Variants in SGSM1 observed in about 807,000 individuals in gnomAD.
The protein encoded by SGSM1 is RUN and TBC1 domain containing 2.
SGSM1 carries 73 observed loss-of-function variants against 133.8 expected under a neutral mutation model. That is an observed-to-expected ratio of 0.55 (90% CI 0.45 to 0.66). The LOEUF is 0.66. Among genes scored for constraint, SGSM1 ranks in the 30% least tolerant of loss-of-function variants. The pLI is 0.00. For missense variants in SGSM1, 1,213 were observed against 1,448.1 expected, an observed-to-expected ratio of 0.84 and a Z score of 2.64; for synonymous variants, 563 against 573.0, an observed-to-expected ratio of 0.98 and a Z score of 0.25.
intron 2 of SGSM1, among the ~76,000 whole-genome samples, chr22:24,820,803 G>T (rs1928423395): frequency 6.6e-6 from 1 of 152,206 alleles, no homozygotes; most frequent in African/African-American, 2.4e-5. Context: ...AGACAACAGT[G>T]AGCACAACAG....
intron 2 of SGSM1, chr22:24,843,979 T>G (rs1201668071): frequency 6.6e-6 from 1 of 151,632 alleles, no homozygotes; most frequent in Non-Finnish European, 1.5e-5. Flanking sequence ...AAGCAGGGAT[T>G]TGAACTCAGG....
At chr22:24,901,756 G>A in intron 19 of SGSM1, 77 bp from the exon 20 acceptor site, 3 of 1,511,084 alleles carry the variant, frequency 2.0e-6, no homozygotes, top group Non-Finnish European at 2.7e-6. Context: ...AGAGGAGATA[G>A]GATTGCTGCT....
intron 2 of SGSM1, among the ~76,000 whole-genome samples, chr22:24,817,761 G>A (rs558401599): frequency 3.9e-5 from 6 of 152,310 alleles, no homozygotes; most frequent in Admixed American, 1.3e-4. Flanking sequence ...ACAAAGTACC[G>A]TGACTGGGTA....
intron 21 of SGSM1, among the ~76,000 whole-genome samples, chr22:24,910,171 G>A (rs749363251): frequency 5.3e-5 from 8 of 152,176 alleles, no homozygotes; most frequent in Non-Finnish European, 1.2e-4. Context: ...AAGACTAGTC[G>A]TTGACAGGGA....
rs1930217525 is a variant in SGSM1 at position 24,847,567 on chromosome 22, T to C, written c.140-67T>C. 8 of 1,557,584 alleles carry C rather than the reference T, an allele frequency of 5.1e-6. No homozygotes were observed. In the South Asian group the frequency reaches 9.6e-5, roughly 19 times the overall value. The stretch of plus-strand genomic sequence containing the variant: ...CAAGGTTCCAGTGTCTGACAGAAGC[T>C]CTGGGACATGCTGGGTGCTGGAGTG... On this transcript the variant is annotated intron_variant, in intron 3 of 24. Coordinates refer to ENST00000400358, the MANE Select transcript of SGSM1 (RefSeq NM_001098497.3).
chr22:24,856,244 A>G (rs117044277), intron 8 of SGSM1, among the ~76,000 whole-genome samples: 1 of 152,128 alleles, frequency 6.6e-6, no homozygotes, highest in Non-Finnish European at 1.5e-5. Flanking sequence ...GATGCTTCCT[A>G]TGTGTCAGGC....
At position 24,817,943 on chromosome 22, in the gene SGSM1, A is replaced by G. The variant is rs564447298; in HGVS notation, c.63+11459A>G. On this transcript the variant is annotated intron_variant, in intron 2 of 24. Transcript: ENST00000400358. The stretch of plus-strand genomic sequence containing the variant: ...TTTGGGGTCTCTTTTATAAGAGCAC[A>G]AATCCCGACGGGGTGCAGTGGCTCA... 7.2e-5 allele frequency among the ~76,000 whole-genome samples: 11 copies of G among 152,220 alleles called. No homozygotes were observed. The East Asian group carries it at 2.1e-3, about 30-fold the overall frequency.
rs767525983 is a variant in SGSM1 at position 24,898,198 on chromosome 22, G to A, written c.2249G>A (p.Arg750Gln). Residue 750 changes from arginine to glutamine, a missense_variant, in exon 19 of 25, where the codon CGA becomes CAA. Transcript: ENST00000400358. ...CAGCGGAACACCCCCACGGTGCTGC[G>A]ACCTAGGGATGGCAGCGTGGATGAC... ...DAQRNTPTVL[R>Q]PRDGSVDDRQ... is the part of the protein sequence containing the mutation. 2.5e-5 allele frequency: 41 copies of A among 1,613,696 alleles called. No individual in the cohort carries two copies. The highest frequency in any genetic ancestry group is 2.5e-4 in the South Asian group (23 of 91,074).
chr22:24,887,818 C>T (rs549826504), intron 16 of SGSM1, among the ~76,000 whole-genome samples: 1 of 152,294 alleles, frequency 6.6e-6, no homozygotes, highest in South Asian at 2.1e-4. Context: ...TCTGTGTCCA[C>T]CAGCAAAATA....
At position 24,919,868 on chromosome 22, in the gene SGSM1, G is replaced by A; in HGVS notation, c.3068G>A (p.Trp1023Ter). 1 of 1,614,080 alleles carries A rather than the reference G, an allele frequency of 6.2e-7. No individual in the cohort carries two copies. Among genetic ancestry groups the A allele is most frequent in the Non-Finnish European group, 8.5e-7 (1 of 1,179,904 alleles). ...DDVFLVWETI[W>*]AAKHVSSAHY... ...GTCTTCTTGGTCTGGGAGACCATCTGGGCAGCCAAACACGTCTCCTCTGCG... is the reference window on the plus strand; with the variant it reads ...GTCTTCTTGGTCTGGGAGACCATCTAGGCAGCCAAACACGTCTCCTCTGCG... Residue 1023 changes from tryptophan (W) to a stop codon, truncating the protein, a stop_gained, in exon 24 of 25, where the codon TGG (tryptophan) becomes TAG (stop). Coordinates refer to ENST00000400358, the MANE Select transcript of SGSM1 (RefSeq NM_001098497.3). LOFTEE classifies it high-confidence loss of function.
intron 2 of SGSM1, among the ~76,000 whole-genome samples, chr22:24,837,043 T>G (rs748921708): frequency 6.6e-6 from 1 of 152,202 alleles, no homozygotes; most frequent in Non-Finnish European, 1.5e-5. Context: ...TCTCTCCCTG[T>G]GTGCGGCAAC....
intron 18 of SGSM1, among the ~76,000 whole-genome samples, chr22:24,897,456 C>T (rs1380642217): frequency 6.6e-6 from 1 of 152,154 alleles, no homozygotes; most frequent in Non-Finnish European, 1.5e-5. Context: ...TACACAAGCA[C>T]ATAGATCACT....
At chr22:24,860,507 A>C (rs1254925094) in intron 9 of SGSM1, among the ~76,000 whole-genome samples, 1 of 152,126 alleles carries the variant, frequency 6.6e-6, no homozygotes, top group Non-Finnish European at 1.5e-5. Context: ...GCTTTCCTAA[A>C]AAAACTTTCT....
Position 24,809,395 on chromosome 22 carries a change from C to T in SGSM1, c.63+2911C>T, listed in dbSNP as rs139796739. Among the ~76,000 whole-genome samples, 480 of 152,368 alleles carry T rather than the reference C, an allele frequency of 3.2e-3. 1 individual carries two copies. The highest frequency in any genetic ancestry group is 8.3e-3 in the South Asian group (40 of 4,828). ...ATGTGTCTGTGTGTATATCTGTCTT[C>T]TGTGTGTACATCTGTTTCCCCAGCC... On this transcript the variant is annotated intron_variant, in intron 2 of 24. Coordinates refer to ENST00000400358, the MANE Select transcript of SGSM1 (RefSeq NM_001098497.3).
At chr22:24,867,431 G>A (rs535690856) in intron 10 of SGSM1, among the ~76,000 whole-genome samples, 18 of 152,320 alleles carry the variant, frequency 1.2e-4, no homozygotes, top group Non-Finnish European at 2.2e-4. Context: ...TGGCTATGGC[G>A]TTAGCTGCTG....
chr22:24,900,173 A>T (rs1933081875), intron 19 of SGSM1, among the ~76,000 whole-genome samples: 1 of 150,808 alleles, frequency 6.6e-6, no homozygotes, highest in Non-Finnish European at 1.5e-5. Context: ...GGGCTGTACC[A>T]CCATGCCTGG....
Position 24,807,888 on chromosome 22 carries a change from C to CGTGTGTGTGTGTGTGTGTGTGT in SGSM1, c.63+1407_63+1428dup, listed in dbSNP as rs71189301. Among the ~76,000 whole-genome samples the CGTGTGTGTGTGTGTGTGTGTGT allele has an allele frequency of 2.2e-4, 32 of 147,666 alleles. No individual in the cohort carries two copies. The Middle Eastern group carries it at 9.6e-3, about 44-fold the overall frequency. On this transcript the variant is annotated intron_variant, in intron 2 of 24. Transcript: ENST00000400358. ...CTCCGGGAGCATGAGTATGTGCCTG[C>CGTGTGTGTGTGTGTGTGTGTGT]GTGTGTGTGTGTGTGTGTGTGTGTC...
rs1006437218 is a variant in SGSM1, at chr22:24,847,345, G to T, written c.140-289G>T. Among the ~76,000 whole-genome samples the T allele has an allele frequency of 4.6e-5, 7 of 152,154 alleles. No homozygotes were observed. Among genetic ancestry groups the T allele is most frequent in the Admixed American group, 1.3e-4 (2 of 15,270 alleles). ...CCTGAGAGCACTGGTTTGCTCTTTAGAGCTCTTACTTCATGAGTTTTGTCA... is the reference window on the plus strand; with the variant it reads ...CCTGAGAGCACTGGTTTGCTCTTTATAGCTCTTACTTCATGAGTTTTGTCA... On this transcript the variant is annotated intron_variant, in intron 3 of 24. Transcript: ENST00000400358.
intron 2 of SGSM1, among the ~76,000 whole-genome samples, chr22:24,808,337 G>A (rs986842300): frequency 6.6e-6 from 1 of 151,934 alleles, no homozygotes; most frequent in Non-Finnish European, 1.5e-5. Flanking sequence ...GGATGGTCTC[G>A]ATCTCCTGAC....
Sources: gnomAD v4.1 joint callset for allele counts (sites outside exome capture counted in the v4.1 genomes callset) on GRCh38, gnomAD v4.1.1 for gene constraint, MANE v1.5 for transcripts, NCBI Gene and HGNC (gene_info 2026-07-23, HGNC 2026-07-21) for gene names.